PDE4A: variants seen among roughly 807,000 people sequenced by gnomAD.
The protein encoded by PDE4A is phosphodiesterase 4A.
A neutral mutation model predicts 73.9 loss-of-function variants in PDE4A; 21 were observed. The observed-to-expected ratio is 0.28, with a 90% CI of 0.20 to 0.41. PDE4A has a LOEUF of 0.41. Ranked by LOEUF, PDE4A falls within the 10% of genes least tolerant of loss-of-function variation. The pLI is 1.00. For missense variants in PDE4A, 958 were observed against 1,211.4 expected, an observed-to-expected ratio of 0.79 and a Z score of 3.10; for synonymous variants, 463 against 505.4, an observed-to-expected ratio of 0.92 and a Z score of 1.13.
At chr19:10,432,721 A>G in intron 1 of PDE4A, 1 of 671,710 alleles carries the variant, frequency 1.5e-6, no homozygotes, top group South Asian at 2.1e-5. Context: ...CTGGCTCTAA[A>G]GGCCTGGGGT....
At position 10,459,692 on chromosome 19, in the gene PDE4A, A is replaced by G. The variant is rs1247811770; in HGVS notation, c.1298A>G (p.His433Arg). Reference sequence around the variant, plus strand: ...CACTACCACGCTGACGTGGCCTACCATAACAGCCTGCACGCAGCTGACGTG... The same window carrying G: ...CACTACCACGCTGACGTGGCCTACCGTAACAGCCTGCACGCAGCTGACGTG... ...EDHYHADVAYHNSLHAADVLQ... is the reference protein window; with the variant it reads ...EDHYHADVAYRNSLHAADVLQ... Residue 433 changes from histidine (H) to arginine (R), a missense_variant, in exon 10 of 15, where the codon CAT (histidine) becomes CGT (arginine). Transcript: ENST00000380702. The G allele has an allele frequency of 6.2e-7, 1 of 1,614,214 alleles. No individual in the cohort carries two copies. Among genetic ancestry groups the G allele is most frequent in the Non-Finnish European group, 8.5e-7 (1 of 1,180,044 alleles).
intron 7 of PDE4A, among the ~76,000 whole-genome samples, chr19:10,455,202 C>G (rs1599443605): frequency 2.0e-5 from 3 of 152,290 alleles, no homozygotes; most frequent in Admixed American, 2.0e-4. Context: ...GTGGCTCACG[C>G]CTGTAATCCC....
rs985505958 is a variant in PDE4A at position 10,446,099 on chromosome 19, A to G, written c.321-119A>G. On this transcript the variant is annotated intron_variant, in intron 1 of 14. Coordinates refer to ENST00000380702, the MANE Select transcript of PDE4A (RefSeq NM_001111307.2). Reference sequence around the variant, plus strand: ...GTGATTCACCCCCACTTGGCCTCCCAAAGTGCTGGGATTACAGGCATTACA... The same window carrying G: ...GTGATTCACCCCCACTTGGCCTCCCGAAGTGCTGGGATTACAGGCATTACA... 5 of 1,435,276 alleles carry G rather than the reference A, an allele frequency of 3.5e-6. No individual in the cohort carries two copies. The Admixed American group carries it at 8.4e-5, about 24-fold the overall frequency. The allele number at this position is 1,435,276 out of a possible 1,614,324, so 88.9% of individuals were successfully genotyped here. A position where few individuals can be genotyped will look rare whatever the true frequency, so the allele number is the denominator to read the frequency against.
At chr19:10,427,477 A>G in intron 1 of PDE4A, 2 of 985,322 alleles carry the variant, frequency 2.0e-6, no homozygotes, top group Non-Finnish European at 2.4e-6. Context: ...GCGAGGTGAC[A>G]GGCAGCTCAT....
upstream of PDE4A, chr19:10,417,880 G>A (rs1475179417): frequency 6.5e-7 from 1 of 1,545,998 alleles, no homozygotes; most frequent in South Asian, 1.2e-5. Context: ...GTAGGAGAGG[G>A]AGCAGAGTGG....
chr19:10,419,060 T>C, upstream of PDE4A: 1 of 841,256 alleles, frequency 1.2e-6, no homozygotes, highest in Non-Finnish European at 1.4e-6. Context: ...GGCAGTCTTT[T>C]TTTTTTTTTT....
Position 10,441,003 on chromosome 19 carries a change from GC to G in PDE4A, c.321-5214del, listed in dbSNP as rs542760943. ...TCCGCCCACCTCGGCCTCCCAAAGT[GC>G]TGGGATTACTGGTCTGAGCCACCAG... On this transcript the variant is annotated intron_variant, in intron 1 of 14. Coordinates refer to ENST00000380702, the MANE Select transcript of PDE4A (RefSeq NM_001111307.2). Among the ~76,000 whole-genome samples, 746 of 151,510 alleles carry G rather than the reference GC, an allele frequency of 4.9e-3. 4 individuals are homozygous for G. Among genetic ancestry groups the G allele is most frequent in the Non-Finnish European group, 8.2e-3 (554 of 67,932 alleles).
chr19:10,432,246 G>C (rs1003124447), intron 1 of PDE4A, among the ~76,000 whole-genome samples: 2 of 147,478 alleles, frequency 1.4e-5, no homozygotes, highest in Admixed American at 1.4e-4. Flanking sequence ...CAGAGCGCCC[G>C]TGCGCTCCCC....
intron 1 of PDE4A, among the ~76,000 whole-genome samples, chr19:10,421,498 C>G (rs574590568): frequency 6.6e-6 from 1 of 152,208 alleles, no homozygotes; most frequent in South Asian, 2.1e-4. Flanking sequence ...TAAGGGGGTG[C>G]CTGCTAGGAC....
At chr19:10,461,306 G>A in intron 11 of PDE4A, 1 of 885,726 alleles carries the variant, frequency 1.1e-6, no homozygotes, top group Non-Finnish European at 1.3e-6. Context: ...CAGGAGGCGG[G>A]GCTGGCTGGG....
intron 14 of PDE4A, among the ~76,000 whole-genome samples, chr19:10,465,898 A>G (rs1236617441): frequency 5.6e-5 from 8 of 143,420 alleles, no homozygotes; most frequent in Non-Finnish European, 1.1e-4. Flanking sequence ...ACAGGGTTTC[A>G]CCATGTTGGC....
chr19:10,420,263 A>T, upstream of PDE4A: 1 of 344,512 alleles, frequency 2.9e-6, no homozygotes, highest in Non-Finnish European at 4.1e-6. The surrounding 1 kb of genome is among the most constrained non-coding windows in gnomAD (Gnocchi z 6.0). Flanking sequence ...AGATCGGATT[A>T]ACCGTTTAAC....
chr19:10,452,607 T>C (rs997023732), intron 6 of PDE4A, among the ~76,000 whole-genome samples: 1 of 150,936 alleles, frequency 6.6e-6, no homozygotes, highest in African/African-American at 2.5e-5. Context: ...GTTGTGACTG[T>C]CTCCGGGTGT....
At chr19:10,429,238 G>A (rs2042756206) in intron 1 of PDE4A, among the ~76,000 whole-genome samples, 1 of 148,328 alleles carries the variant, frequency 6.7e-6, no homozygotes. Context: ...AGAAAGAGAG[G>A]GACGGAGGGG....
At chr19:10,450,140 C>T in intron 4 of PDE4A, among the ~76,000 whole-genome samples, 1 of 152,012 alleles carries the variant, frequency 6.6e-6, no homozygotes, top group East Asian at 1.9e-4. Context: ...ATAATGCCTC[C>T]CTTAGATAAC....
intron 10 of PDE4A, 169 bp from the exon 11 acceptor site, chr19:10,460,835 A>T: frequency 7.4e-5 from 13 of 176,814 alleles, no homozygotes; most frequent in South Asian, 1.9e-4. Flanking sequence ...ATTAAATTTG[A>T]GACAGGGCCT....
At position 10,458,140 on chromosome 19, in the gene PDE4A, T is replaced by C. The variant is rs780979097; in HGVS notation, c.1101+38T>C. On this transcript the variant is annotated intron_variant, in intron 8 of 14. Coordinates refer to ENST00000380702, the MANE Select transcript of PDE4A (RefSeq NM_001111307.2). The surrounding 1 kb of genome is among the most constrained non-coding windows in gnomAD (Gnocchi z 4.6). ...TCAGTAGGGGCAGGGCTGGAGGGGG[T>C]GGTCTCCTGGGACCCTGAGAAGGAC... The C allele has an allele frequency of 6.3e-7, 1 of 1,592,434 alleles. No homozygotes were observed. Among genetic ancestry groups the C allele is most frequent in the East Asian group, 2.2e-5 (1 of 44,782 alleles).
intron 14 of PDE4A, 106 bp from the exon 15 acceptor site, chr19:10,466,781 A>T (rs1350486178): frequency 2.0e-6 from 3 of 1,502,124 alleles, no homozygotes; most frequent in Non-Finnish European, 2.7e-6. Context: ...GACATGAGCC[A>T]CCATGCCCGG....
chr19:10,433,502 C>T (rs1040059068), intron 1 of PDE4A, among the ~76,000 whole-genome samples: 6 of 152,156 alleles, frequency 3.9e-5, no homozygotes, highest in Non-Finnish European at 8.8e-5. Context: ...AGTATCAGTG[C>T]GACACGGTCT....
Sources: allele counts gnomAD v4.1 joint callset (sites outside exome capture counted in the v4.1 genomes callset), GRCh38; gene constraint gnomAD v4.1.1; non-coding constraint Gnocchi (gnomAD v3.1); transcripts MANE v1.5; gene names NCBI Gene and HGNC (gene_info 2026-07-23, HGNC 2026-07-21).